TMEM131: variants seen among roughly 807,000 people sequenced by gnomAD.
TMEM131 encodes transmembrane protein 131.
A neutral mutation model predicts 211.6 loss-of-function variants in TMEM131; 66 were observed. The observed-to-expected ratio is 0.31, with a 90% CI of 0.26 to 0.38. The LOEUF (loss-of-function observed/expected upper bound fraction) is 0.38, where lower values mean the gene tolerates loss of function less well. TMEM131 is among the 10% of genes least tolerant of loss of function. The pLI is 1.00. For missense variants in TMEM131, 2,036 were observed against 2,299.3 expected, an observed-to-expected ratio of 0.89 and a Z score of 2.34; for synonymous variants, 844 against 841.3, an observed-to-expected ratio of 1.00 and a Z score of -0.06.
chr2:97,974,746 A>G (rs1679457613), intron 1 of TMEM131, among the ~76,000 whole-genome samples: 1 of 151,618 alleles, frequency 6.6e-6, no homozygotes, highest in Admixed American at 6.5e-5. Flanking sequence ...CTGTAATTCT[A>G]TAGCAAATAA....
intron 7 of TMEM131, among the ~76,000 whole-genome samples, chr2:97,838,462 T>G (rs1281739528): frequency 6.9e-5 from 5 of 72,338 alleles, no homozygotes; most frequent in African/African-American, 1.7e-4. Flanking sequence ...TTTTTTTTTT[T>G]GAGACGGAGT....
At chr2:97,782,399 A>C (rs1359146765) in intron 31 of TMEM131, among the ~76,000 whole-genome samples, 1 of 152,268 alleles carries the variant, frequency 6.6e-6, no homozygotes, top group Non-Finnish European at 1.5e-5. Context: ...AGGTTTAGGT[A>C]AGATCCAGTC....
At chr2:97,905,061 T>G (rs1484646809) in intron 3 of TMEM131, among the ~76,000 whole-genome samples, 2 of 152,216 alleles carry the variant, frequency 1.3e-5, no homozygotes, top group Non-Finnish European at 1.5e-5. Context: ...TATTTTTGCC[T>G]TTTTGGTGGT....
intron 1 of TMEM131, among the ~76,000 whole-genome samples, chr2:97,969,380 C>G (rs1178296276): frequency 6.6e-6 from 1 of 152,188 alleles, no homozygotes; most frequent in African/African-American, 2.4e-5. Context: ...TTGGGCCCTT[C>G]TGCCCCAACA....
At chr2:97,903,383 T>C (rs1410763173) in intron 3 of TMEM131, among the ~76,000 whole-genome samples, 3 of 152,048 alleles carry the variant, frequency 2.0e-5, no homozygotes, top group East Asian at 1.9e-4. Flanking sequence ...CTAAGAAACA[T>C]AGATTAAGTG....
chr2:97,812,308 C>G, intron 17 of TMEM131, 113 bp downstream of exon 17: 1 of 1,202,320 alleles, frequency 8.3e-7, no homozygotes, highest in Non-Finnish European at 1.1e-6. Context: ...AAGTAACCAA[C>G]ACTATTATGA....
At chr2:97,897,907 T>C (rs1483764577) in intron 3 of TMEM131, among the ~76,000 whole-genome samples, 2 of 152,184 alleles carry the variant, frequency 1.3e-5, no homozygotes, top group Admixed American at 6.6e-5. Flanking sequence ...ATTTAAAAAC[T>C]AATTTTCTAA....
At chr2:97,957,091 C>T (rs533321950) in intron 1 of TMEM131, among the ~76,000 whole-genome samples, 22 of 133,214 alleles carry the variant, frequency 1.7e-4, no homozygotes, top group African/African-American at 2.7e-4. Context: ...CGTGAGACTC[C>T]GTCTCAAAAA....
intron 1 of TMEM131, among the ~76,000 whole-genome samples, chr2:97,935,777 AT>A (rs1202241102): frequency 6.6e-6 from 1 of 152,254 alleles, no homozygotes; most frequent in Non-Finnish European, 1.5e-5. Flanking sequence ...AACTCTGGCA[AT>A]TAACCAAAAG....
chr2:97,864,359 T>C (rs1674188830), intron 4 of TMEM131, among the ~76,000 whole-genome samples: 1 of 152,152 alleles, frequency 6.6e-6, no homozygotes, highest in African/African-American at 2.4e-5. Flanking sequence ...AACTGTACCT[T>C]TTAAATAACT....
chr2:97,834,854 T>C lies in TMEM131; in HGVS notation c.876A>G (p.Thr292=). ...SFSSREADNH[T]AFIRIKTNAS... is the part of the protein sequence containing the mutation. ...CATTAGTCTTTATTCTTATGAAGGC[T>C]GTGTGATTATCTGCTTCTCTAGATG... The change falls in exon 9 of 41, where the codon ACA becomes ACG. Residue 292 remains threonine (T), a synonymous_variant. Transcript: ENST00000186436. 2 of 1,613,878 alleles carry C rather than the reference T, an allele frequency of 1.2e-6. No homozygotes were observed. The highest frequency in any genetic ancestry group is 1.7e-6 in the Non-Finnish European group (2 of 1,179,824).
At chr2:97,792,310 A>C in intron 31 of TMEM131, 76 bp downstream of exon 31, 2 of 1,244,030 alleles carry the variant, frequency 1.6e-6, no homozygotes, top group Non-Finnish European at 2.2e-6. Flanking sequence ...CCACAACTAT[A>C]ATCTTAATAG....
chr2:97,918,028 C>A (rs908379064), intron 2 of TMEM131, among the ~76,000 whole-genome samples: 3 of 151,860 alleles, frequency 2.0e-5, no homozygotes, highest in Non-Finnish European at 4.4e-5. Flanking sequence ...CTCACTACAA[C>A]CTCCGCCTCC....
chr2:97,976,978 A>AAAAAAG (rs1679566604), intron 1 of TMEM131, among the ~76,000 whole-genome samples: 1 of 146,138 alleles, frequency 6.8e-6, no homozygotes, highest in Non-Finnish European at 1.5e-5. Flanking sequence ...AAAAAAAAAA[A>AAAAAAG]GAACTTGGGT....
At chr2:97,867,204 G>C (rs1356212551) in intron 4 of TMEM131, among the ~76,000 whole-genome samples, 1 of 152,120 alleles carries the variant, frequency 6.6e-6, no homozygotes, top group East Asian at 1.9e-4. Context: ...AGTCAAGTTG[G>C]TTTATACTTT....
At chr2:97,762,289 T>C in intron 35 of TMEM131, 89 bp from the exon 36 acceptor site, 1 of 1,320,528 alleles carries the variant, frequency 7.6e-7, no homozygotes, top group Non-Finnish European at 1.1e-6. Context: ...AGACTATGCA[T>C]AACTCAAGCC....
chr2:97,992,386 G>A (rs1175972920), intron 1 of TMEM131, among the ~76,000 whole-genome samples: 4 of 152,034 alleles, frequency 2.6e-5, no homozygotes, highest in African/African-American at 7.3e-5. Context: ...AAAAATTTGT[G>A]CATGAAACTA....
intron 1 of TMEM131, among the ~76,000 whole-genome samples, chr2:97,950,524 C>T (rs1321656913): frequency 6.6e-6 from 1 of 151,970 alleles, no homozygotes; most frequent in East Asian, 1.9e-4. Context: ...CCCCTGCTAG[C>T]AGCTCTACAC....
chr2:97,909,359 G>A (rs989281213), intron 2 of TMEM131, among the ~76,000 whole-genome samples: 1 of 152,132 alleles, frequency 6.6e-6, no homozygotes, highest in Non-Finnish European at 1.5e-5. Context: ...GGAGCTGGGA[G>A]AGAAGGAGAA....
Sources: allele counts gnomAD v4.1 joint callset (sites outside exome capture counted in the v4.1 genomes callset), GRCh38; gene constraint gnomAD v4.1.1; transcripts MANE v1.5; gene names NCBI Gene and HGNC (gene_info 2026-07-23, HGNC 2026-07-21).